The following TRIQK variants were observed in gnomAD, a reference collection of about 807,000 sequenced individuals.
TRIQK encodes triple QxxK/R motif-containing protein.
In TRIQK, 10 loss-of-function variants were observed where a neutral mutation model predicts 10.8. The ratio of observed to expected loss-of-function variants is 0.92; its 90% CI spans 0.57 to 1.57. The LOEUF (loss-of-function observed/expected upper bound fraction) is 1.57, where lower values mean the gene tolerates loss of function less well. Among genes scored for constraint, TRIQK ranks in the 40% most tolerant of loss-of-function variants. The pLI is 0.00. For synonymous variants in TRIQK, 33 were observed against 33.7 expected (o/e 0.98, Z 0.07); for missense variants, 107 against 97.7 (o/e 1.09, Z -0.40).
intron 1 of TRIQK, among the ~76,000 whole-genome samples, chr8:93,002,945 TGAAAA>T (rs1198936521): frequency 6.6e-6 from 1 of 150,634 alleles, no homozygotes; most frequent in African/African-American, 2.4e-5. Context: ...CCTCATTAAT[TGAAAA>T]GAAGAGAATA....
intron 2 of TRIQK, among the ~76,000 whole-genome samples, chr8:92,935,802 T>G (rs566619251): frequency 6.6e-6 from 1 of 151,600 alleles, no homozygotes; most frequent in Non-Finnish European, 1.5e-5. Context: ...AAGATTCTAT[T>G]AAAAATGCCA....
chr8:92,997,264 A>G (rs1041289505), intron 1 of TRIQK, among the ~76,000 whole-genome samples: 1 of 152,084 alleles, frequency 6.6e-6, no homozygotes, highest in Admixed American at 6.5e-5. Context: ...CAGACTGTGC[A>G]TAGGAACAAG....
At chr8:92,932,347 C>A (rs1251991857) in intron 2 of TRIQK, among the ~76,000 whole-genome samples, 1 of 152,028 alleles carries the variant, frequency 6.6e-6, no homozygotes, top group East Asian at 1.9e-4. Flanking sequence ...TCTTATTTTT[C>A]CTTTAACTAG....
intron 1 of TRIQK, among the ~76,000 whole-genome samples, chr8:92,984,617 A>G (rs1297399669): frequency 6.6e-6 from 1 of 152,178 alleles, no homozygotes; most frequent in African/African-American, 2.4e-5. Context: ...CTTTCGAAAC[A>G]TATTTCCTTT....
At chr8:92,964,527 T>G (rs1812634818) in intron 1 of TRIQK, among the ~76,000 whole-genome samples, 1 of 148,442 alleles carries the variant, frequency 6.7e-6, no homozygotes, top group East Asian at 2.0e-4. Context: ...ACATTACAGG[T>G]TCTACCTAAC....
chr8:92,990,402 G>A (rs1397073765), intron 1 of TRIQK, among the ~76,000 whole-genome samples: 1 of 151,978 alleles, frequency 6.6e-6, no homozygotes, highest in Non-Finnish European at 1.5e-5. Flanking sequence ...GGTTACACTT[G>A]CCAAACCTGT....
At chr8:92,903,739 C>T (rs903603782) in intron 3 of TRIQK, among the ~76,000 whole-genome samples, 2 of 151,942 alleles carry the variant, frequency 1.3e-5, no homozygotes, top group Non-Finnish European at 2.9e-5. Flanking sequence ...ATAAATTTTT[C>T]TCAATAGTAT....
chr8:92,975,706 T>C (rs1812923226), intron 1 of TRIQK, among the ~76,000 whole-genome samples: 1 of 152,040 alleles, frequency 6.6e-6, no homozygotes. Flanking sequence ...ATTTTTCTGC[T>C]AACTTTGGAT....
intron 1 of TRIQK, among the ~76,000 whole-genome samples, chr8:93,016,095 T>G (rs1438913717): frequency 6.6e-6 from 1 of 152,194 alleles, no homozygotes; most frequent in African/African-American, 2.4e-5. Context: ...TGATCTTGAA[T>G]GCTTCTTAGC....
intron 1 of TRIQK, among the ~76,000 whole-genome samples, chr8:92,959,062 T>C (rs868053867): frequency 5.6e-4 from 85 of 152,238 alleles, no homozygotes; most frequent in African/African-American, 2.0e-3. Context: ...ATGAGCGTGA[T>C]TGTTTTCTAA....
intron 1 of TRIQK, among the ~76,000 whole-genome samples, chr8:92,998,895 A>G (rs1813180065): frequency 6.6e-6 from 1 of 152,226 alleles, no homozygotes. Flanking sequence ...GAGGTTAGGG[A>G]ATGATTTACA....
At chr8:92,936,310 G>C (rs191817879) in intron 2 of TRIQK, among the ~76,000 whole-genome samples, 4 of 151,558 alleles carry the variant, frequency 2.6e-5, no homozygotes, top group Admixed American at 2.0e-4. Context: ...AAATGAAAGG[G>C]CAATTTAACA....
intron 2 of TRIQK, among the ~76,000 whole-genome samples, chr8:92,931,369 G>A (rs1279248403): frequency 2.6e-5 from 4 of 152,092 alleles, no homozygotes; most frequent in African/African-American, 9.7e-5. Context: ...AGTTTGGGAA[G>A]TCTACTGAAA....
chr8:92,955,980 C>T (rs1016135157), intron 1 of TRIQK, among the ~76,000 whole-genome samples: 2 of 151,730 alleles, frequency 1.3e-5, no homozygotes, highest in African/African-American at 2.4e-5. Flanking sequence ...TAAAATGTTA[C>T]AGCCACACTT....
chr8:93,009,523 C>T lies in TRIQK; in HGVS notation c.-181+8086G>A, dbSNP rs1380968226. On this transcript the variant is annotated intron_variant, in intron 1 of 4. Transcript: ENST00000520686. The stretch of plus-strand genomic sequence containing the variant: ...ACTCGGGAGGCTGAGGCAGGAGAAT[C>T]GCCTGAACCCAGAAGGCAGAGGTTG... Among the ~76,000 whole-genome samples the T allele has an allele frequency of 5.9e-5, 9 of 151,870 alleles. 1 individual carries two copies. Among genetic ancestry groups the T allele is most frequent in the South Asian group, 2.1e-4 (1 of 4,816 alleles).
At chr8:93,017,182 T>C (rs542284441) in intron 1 of TRIQK, among the ~76,000 whole-genome samples, 28 of 142,044 alleles carry the variant, frequency 2.0e-4, no homozygotes, top group Admixed American at 1.6e-3. Context: ...ACCAGAAGAA[T>C]ATATACCAAT....
intron 1 of TRIQK, among the ~76,000 whole-genome samples, chr8:92,990,047 CA>C (rs1409460282): frequency 6.6e-6 from 1 of 151,784 alleles, no homozygotes; most frequent in Non-Finnish European, 1.5e-5. Flanking sequence ...CATAAAAAAG[CA>C]ATTTATAAAA....
chr8:93,011,276 G>A (rs1813332103), intron 1 of TRIQK, among the ~76,000 whole-genome samples: 1 of 151,410 alleles, frequency 6.6e-6, no homozygotes, highest in East Asian at 2.0e-4. Context: ...TACTAAAATA[G>A]CTAAAAGAGA....
intron 1 of TRIQK, among the ~76,000 whole-genome samples, chr8:92,998,990 A>C (rs535618730): frequency 8.5e-5 from 13 of 152,246 alleles, no homozygotes; most frequent in African/African-American, 3.1e-4. Context: ...TTGTAGGACT[A>C]TCAGATTCTA....
Sources: allele counts gnomAD v4.1 joint callset (sites outside exome capture counted in the v4.1 genomes callset), GRCh38; gene constraint gnomAD v4.1.1; transcripts MANE v1.5; gene names NCBI Gene and HGNC (gene_info 2026-07-23, HGNC 2026-07-21).